Variants in ZNF215 observed in about 807,000 individuals in gnomAD.
ZNF215 encodes BWSCR2-associated zinc finger protein 2.
ZNF215 carries 24 observed loss-of-function variants against 27.2 expected under a neutral mutation model. The ratio of observed to expected loss-of-function variants is 0.88; its 90% confidence interval spans 0.64 to 1.24. ZNF215 has a LOEUF of 1.24. Ranked by LOEUF, ZNF215 falls within the 50% of genes most tolerant of loss-of-function variation. The pLI, the probability that ZNF215 is intolerant of heterozygous loss-of-function variation, is 0.00. For synonymous variants in ZNF215, 210 were observed against 204.0 expected, an observed-to-expected ratio of 1.03 and a Z score of -0.25; for missense variants, 675 against 605.7, an observed-to-expected ratio of 1.11 and a Z score of -1.20.
chr11:6,991,556 C>G (rs1851118279), downstream of ZNF215, among the ~76,000 whole-genome samples: 1 of 152,242 alleles, frequency 6.6e-6, no homozygotes, highest in Non-Finnish European at 1.5e-5. Context: ...TGCTTTTTTA[C>G]TTCCTCCTTA....
intron 5 of ZNF215, among the ~76,000 whole-genome samples, chr11:6,981,345 T>C (rs566856356): frequency 6.6e-6 from 1 of 151,518 alleles, no homozygotes; most frequent in East Asian, 1.9e-4. Flanking sequence ...TTGATTTGCA[T>C]TTCTCTGATG....
chr11:6,987,199 C>T (rs184899955), downstream of ZNF215, among the ~76,000 whole-genome samples: 177 of 152,176 alleles, frequency 1.2e-3, no homozygotes, highest in African/African-American at 3.9e-3. Flanking sequence ...GCCATAAAAA[C>T]GAATGATATT....
At chr11:6,949,814 AT>A (rs1190925959) in intron 6 of ZNF215, among the ~76,000 whole-genome samples, 1 of 152,190 alleles carries the variant, frequency 6.6e-6, no homozygotes, top group African/African-American at 2.4e-5. Context: ...GCCCACGCCT[AT>A]GTCCTGAATG....
At chr11:6,950,903 T>A (rs1850028980) in intron 6 of ZNF215, among the ~76,000 whole-genome samples, 1 of 151,890 alleles carries the variant, frequency 6.6e-6, no homozygotes, top group East Asian at 1.9e-4. Context: ...TTGAGATACG[T>A]CCCATCAATA....
chr11:6,934,483 C>T (rs936115303), intron 3 of ZNF215, among the ~76,000 whole-genome samples: 4 of 152,262 alleles, frequency 2.6e-5, no homozygotes, highest in East Asian at 3.9e-4. Context: ...AGATCCAACA[C>T]GGGTCTCCCT....
intron 6 of ZNF215, among the ~76,000 whole-genome samples, chr11:6,948,900 TC>T (rs1343634769): frequency 1.2e-5 from 1 of 80,420 alleles, no homozygotes; most frequent in African/African-American, 5.0e-5. Flanking sequence ...CCCTCCCCCC[TC>T]CCCCCACCCC....
intron 5 of ZNF215, among the ~76,000 whole-genome samples, chr11:6,970,195 C>T (rs1005225016): frequency 5.9e-5 from 9 of 152,016 alleles, no homozygotes; most frequent in Non-Finnish European, 1.2e-4. Context: ...CATGGAAATA[C>T]GAATAATACA....
intron 6 of ZNF215, among the ~76,000 whole-genome samples, chr11:6,953,325 A>T (rs1850164410): frequency 6.6e-6 from 1 of 152,162 alleles, no homozygotes; most frequent in South Asian, 2.1e-4. Context: ...TGTCTTGCAG[A>T]GTGTTTTCTA....
chr11:6,950,904 C>T (rs1353643955), intron 6 of ZNF215, among the ~76,000 whole-genome samples: 29 of 151,832 alleles, frequency 1.9e-4, no homozygotes, highest in South Asian at 6.2e-4. Context: ...TGAGATACGT[C>T]CCATCAATAC....
intron 5 of ZNF215, among the ~76,000 whole-genome samples, chr11:6,981,096 A>G (rs1218693961): frequency 1.3e-5 from 2 of 151,592 alleles, no homozygotes; most frequent in African/African-American, 4.9e-5. Flanking sequence ...TTATAGCAGC[A>G]TGATTTATAG....
downstream of ZNF215, among the ~76,000 whole-genome samples, chr11:6,985,943 G>A (rs115298045): frequency 5.6e-3 from 853 of 152,180 alleles, 9 homozygotes; most frequent in African/African-American, 0.02. Context: ...TATTTAAATG[G>A]CCATACTGCC....
chr11:6,936,803 A>G (rs1465676046), intron 3 of ZNF215, among the ~76,000 whole-genome samples: 3 of 151,910 alleles, frequency 2.0e-5, no homozygotes. Context: ...TGTACATCAT[A>G]TTAATACAGT....
Position 6,955,941 on chromosome 11 carries a change from C to T in ZNF215, c.964C>T (p.Gln322Ter), listed in dbSNP as rs1198248129. The T allele has an allele frequency of 6.2e-7, 1 of 1,612,960 alleles. No homozygotes were observed. Among genetic ancestry groups the T allele is most frequent in the African/African-American group, 1.3e-5 (1 of 74,812 alleles). Residue 322 changes from glutamine (Q) to a stop codon, truncating the protein, a stop_gained, in exon 7 of 7, where the codon CAA becomes TAA. Coordinates refer to ENST00000278319, the MANE Select transcript of ZNF215 (RefSeq NM_013250.4). LOFTEE classifies it low-confidence loss of function (END_TRUNC). ...INSVSSICAI[Q>*]VGIPSRKGSP... ...TTCAGTTAGCTCAATTTGTGCTATA[C>T]AAGTGGGAATTCCTTCAAGAAAGGG...
rs535853976 is a variant in ZNF215, at chr11:6,949,635, C to T, written c.712+5994C>T. ...TCATTGTAGATTCTGGATATTAGCCCTTTGTCAGATGAGTAGGTTGCGAAA... is the reference window on the plus strand; with the variant it reads ...TCATTGTAGATTCTGGATATTAGCCTTTTGTCAGATGAGTAGGTTGCGAAA... On this transcript the variant is annotated intron_variant, in intron 6 of 6. Transcript: ENST00000278319. Among the ~76,000 whole-genome samples, 401 of 152,134 alleles carry T rather than the reference C, an allele frequency of 2.6e-3. 7 individuals are homozygous for T. Among genetic ancestry groups the T allele is most frequent in the Non-Finnish European group, 3.5e-3 (238 of 67,996 alleles).
At chr11:6,951,601 G>C (rs1485545050) in intron 6 of ZNF215, among the ~76,000 whole-genome samples, 1 of 152,132 alleles carries the variant, frequency 6.6e-6, no homozygotes, top group Admixed American at 6.5e-5. Context: ...ATTTTTTATT[G>C]AGTCTATCAG....
intron 5 of ZNF215, among the ~76,000 whole-genome samples, chr11:6,968,400 G>C (rs1454865359): frequency 6.6e-6 from 1 of 151,972 alleles, no homozygotes; most frequent in Non-Finnish European, 1.5e-5. Flanking sequence ...CACAATATTG[G>C]TTCTTCCTAT....
downstream of ZNF215, chr11:6,988,331 C>G (rs919385239): frequency 9.2e-6 from 8 of 867,060 alleles, no homozygotes; most frequent in South Asian, 3.7e-4. Context: ...GTAAGCCACT[C>G]TCATTTGTGT....
chr11:6,951,975 C>T (rs1361378363), intron 6 of ZNF215, among the ~76,000 whole-genome samples: 1 of 152,114 alleles, frequency 6.6e-6, no homozygotes, highest in Non-Finnish European at 1.5e-5. Context: ...TTATTTCTGC[C>T]TTCATTTCGT....
At chr11:6,930,124 ATTTCT>A (rs1776446658) in intron 2 of ZNF215, among the ~76,000 whole-genome samples, 1 of 143,422 alleles carries the variant, frequency 7.0e-6, no homozygotes, top group Non-Finnish European at 1.5e-5. Flanking sequence ...TTTTTTGAGC[ATTTCT>A]TTACTTTCTG....
Sources: gnomAD v4.1 joint callset for allele counts (sites outside exome capture counted in the v4.1 genomes callset) on GRCh38, gnomAD v4.1.1 for gene constraint, MANE v1.5 for transcripts, NCBI Gene and HGNC (gene_info 2026-07-23, HGNC 2026-07-21) for gene names.